Variants in GDAP1 observed in about 807,000 individuals in gnomAD.
GDAP1 encodes the protein ganglioside-induced differentiation-associated protein 1.
GDAP1 carries 34 observed loss-of-function variants against 40.1 expected under a neutral mutation model. The observed-to-expected ratio is 0.85, with a 90% CI of 0.64 to 1.13. The LOEUF is 1.13. GDAP1 is among the 50% of genes most tolerant of loss of function. The probability of loss-of-function intolerance (pLI) is 0.00; values close to 1 mark genes in which losing one functional copy is unlikely to be tolerated. For synonymous variants in GDAP1, 170 were observed against 157.4 expected (o/e 1.08, Z -0.60); for missense variants, 374 against 433.7 (o/e 0.86, Z 1.22).
chr8:74,436,922 A>C (rs879943798), intron 2 of GDAP1, among the ~76,000 whole-genome samples: 2 of 152,216 alleles, frequency 1.3e-5, no homozygotes, highest in Non-Finnish European at 2.9e-5. Context: ...CTCACAATGC[A>C]GCAGAAGATG....
rs1806308582 is a variant in GDAP1, at chr8:74,453,784, C to T, written c.166-34894C>T. Reference sequence around the variant, plus strand: ...AAAGTATTCCACTAGGTTAATGGAGCCTGATTTGTTTTTAAAACTTGAAGA... The same window carrying T: ...AAAGTATTCCACTAGGTTAATGGAGTCTGATTTGTTTTTAAAACTTGAAGA... On this transcript the variant is annotated intron_variant, in intron 2 of 2. Coordinates refer to the GDAP1 transcript ENST00000523640. 2.4e-5 allele frequency among the ~76,000 whole-genome samples: 2 copies of T among 82,298 alleles called. 1 individual carries two copies. Among genetic ancestry groups the T allele is most frequent in the Non-Finnish European group, 4.9e-5 (2 of 40,716 alleles). The allele number at this position is 82,298 out of a possible 152,430, so 54.0% of individuals were successfully genotyped here.
intron 2 of GDAP1, among the ~76,000 whole-genome samples, chr8:74,375,418 A>G (rs1397570999): frequency 6.6e-6 from 1 of 152,218 alleles, no homozygotes. Context: ...ATATATTTCA[A>G]AAGTATACGT....
Position 74,366,577 on chromosome 8 carries a change from C to T in GDAP1, c.*2210C>T, listed in dbSNP as rs571939530. On this transcript the variant is annotated 3_prime_UTR_variant, in exon 6 of 6. Coordinates refer to ENST00000220822, the MANE Select transcript of GDAP1 (RefSeq NM_018972.4). ...ATTATCGGTGACTGGTCAGTGTACT[C>T]ATCAATTTCCAAAATTTGTATAAAT... 289 of 453,474 alleles carry T rather than the reference C, an allele frequency of 6.4e-4. No homozygotes were observed. The highest frequency in any genetic ancestry group is 1.1e-3 in the Non-Finnish European group (249 of 226,556). 28.1% of individuals were successfully genotyped at this position (453,474 alleles called of 1,614,324 possible).
At chr8:74,422,205 T>TTCTC (rs1208277764) in intron 2 of GDAP1, among the ~76,000 whole-genome samples, 6 of 151,078 alleles carry the variant, frequency 4.0e-5, no homozygotes, top group Non-Finnish European at 8.9e-5. Flanking sequence ...TCTTCTTTCT[T>TTCTC]TCTCTCTCTT....
At chr8:74,428,633 A>ATTTTTTT (rs1195348725) in intron 2 of GDAP1, among the ~76,000 whole-genome samples, 2,249 of 42,836 alleles carry the variant, frequency 0.053, 675 homozygotes, top group South Asian at 0.078. Context: ...CACCCGGCTA[A>ATTTTTTT]TTTTTTTTTT....
At chr8:74,477,932 C>T (rs143750762) in intron 2 of GDAP1, among the ~76,000 whole-genome samples, 7 of 152,252 alleles carry the variant, frequency 4.6e-5, no homozygotes, top group Admixed American at 6.5e-5. Context: ...ACTGGGTGTC[C>T]GTTCTTGCTG....
intron 2 of GDAP1, among the ~76,000 whole-genome samples, chr8:74,378,880 G>A (rs12544032): frequency 0.41 from 62,952 of 151,984 alleles, 13,102 homozygotes; most frequent in Middle Eastern, 0.5. Context: ...CTAGCAGCAT[G>A]ATCTACCCTT....
chr8:74,369,157 C>T (rs1401023382), downstream of GDAP1, among the ~76,000 whole-genome samples: 1 of 152,122 alleles, frequency 6.6e-6, no homozygotes, highest in Non-Finnish European at 1.5e-5. Flanking sequence ...GCACTGCCTA[C>T]TAGAACAAGA....
intron 2 of GDAP1, among the ~76,000 whole-genome samples, chr8:74,354,193 G>GT (rs1236591603): frequency 2.0e-5 from 3 of 151,990 alleles, no homozygotes; most frequent in Admixed American, 2.0e-4. Flanking sequence ...ACTTATAATT[G>GT]TTTTTATACT....
intron 2 of GDAP1, among the ~76,000 whole-genome samples, chr8:74,377,089 T>C (rs538556658): frequency 6.6e-6 from 1 of 152,276 alleles, no homozygotes; most frequent in South Asian, 2.1e-4. Context: ...ACAGAAAAAC[T>C]AAAACTATAA....
intron 2 of GDAP1, among the ~76,000 whole-genome samples, chr8:74,488,020 C>T (rs1229087009): frequency 6.6e-6 from 1 of 152,166 alleles, no homozygotes; most frequent in African/African-American, 2.4e-5. Flanking sequence ...ATTCTCTTCT[C>T]AGCCCTTTAC....
chr8:74,419,578 G>A (rs1181324043), intron 2 of GDAP1, among the ~76,000 whole-genome samples: 1 of 152,122 alleles, frequency 6.6e-6, no homozygotes, highest in Non-Finnish European at 1.5e-5. Flanking sequence ...CTAGACCCAA[G>A]AGAGCTATTA....
At chr8:74,382,800 C>G (rs1043886806) in intron 2 of GDAP1, among the ~76,000 whole-genome samples, 2 of 151,742 alleles carry the variant, frequency 1.3e-5, no homozygotes, top group African/African-American at 4.8e-5. Context: ...GAGTATGTAT[C>G]AGCTTGGAAT....
At chr8:74,371,337 C>A (rs1457528010), downstream of GDAP1, among the ~76,000 whole-genome samples, 1 of 152,130 alleles carries the variant, frequency 6.6e-6, no homozygotes, top group Non-Finnish European at 1.5e-5. Flanking sequence ...ACATTTGTAA[C>A]CCATGGCTGA....
intron 2 of GDAP1, among the ~76,000 whole-genome samples, chr8:74,433,775 C>T (rs1349383528): frequency 6.6e-6 from 1 of 152,160 alleles, no homozygotes; most frequent in Non-Finnish European, 1.5e-5. Flanking sequence ...AGTAGAGGCA[C>T]TAGCCCAGAC....
In GDAP1 at chr8:74,452,019, G is replaced by A. The variant is rs1180612085; in HGVS notation, c.166-36659G>A. ...GGCTGGAGTGCAGTGGCGCGATCTC[G>A]GCTCACTGCAAGCTCTGCCTCCCGG... On this transcript the variant is annotated intron_variant, in intron 2 of 2. Coordinates refer to the GDAP1 transcript ENST00000523640. 8.7e-5 allele frequency among the ~76,000 whole-genome samples: 7 copies of A among 80,142 alleles called. 2 individuals are homozygous for A. Among genetic ancestry groups the A allele is most frequent in the African/African-American group, 5.5e-5 (1 of 18,176 alleles). The allele number at this position is 80,142 out of a possible 152,430, so 52.6% of individuals were successfully genotyped here.
At position 74,404,054 on chromosome 8, in the gene GDAP1, C is replaced by T. The variant is rs575380687; in HGVS notation, c.165+52733C>T. ...AATCTCTATGATAATAAAAAGATCA[C>T]GAGACAAATTAATTCGTGATTAATA... On this transcript the variant is annotated intron_variant, in intron 2 of 2. Transcript: ENST00000523640. Among the ~76,000 whole-genome samples the T allele has an allele frequency of 1.2e-4, 18 of 149,860 alleles. No homozygotes were observed. In the Middle Eastern group the frequency reaches 0.021, roughly 171 times the overall value.
At chr8:74,487,382 T>A (rs1478815258) in intron 2 of GDAP1, among the ~76,000 whole-genome samples, 1 of 152,162 alleles carries the variant, frequency 6.6e-6, no homozygotes, top group African/African-American at 2.4e-5. Context: ...CATCCTGGCT[T>A]CCAATATTGC....
intron 2 of GDAP1, among the ~76,000 whole-genome samples, chr8:74,463,661 T>C (rs1313424136): frequency 6.6e-6 from 1 of 152,114 alleles, no homozygotes; most frequent in Non-Finnish European, 1.5e-5. Context: ...GTAAGACATA[T>C]GTAGCTTTGG....
Sources: allele counts gnomAD v4.1 joint callset (sites outside exome capture counted in the v4.1 genomes callset), GRCh38; gene constraint gnomAD v4.1.1; transcripts MANE v1.5; gene names NCBI Gene and HGNC (gene_info 2026-07-23, HGNC 2026-07-21).